The following TSPAN9 variants were observed in gnomAD, a reference collection of about 807,000 sequenced individuals.
TSPAN9 encodes the protein tetraspanin-9.
In TSPAN9, 16 loss-of-function variants were observed where a neutral mutation model predicts 31.0. That is an observed-to-expected ratio of 0.52 (90% CI 0.35 to 0.78). The LOEUF is 0.78. Ranked by LOEUF, TSPAN9 falls within the 30% of genes least tolerant of loss-of-function variation. The pLI, the probability that TSPAN9 is intolerant of heterozygous loss-of-function variation, is 0.01. For missense variants in TSPAN9, 272 were observed against 312.5 expected, an observed-to-expected ratio of 0.87 and a Z score of 0.98; for synonymous variants, 145 against 121.6, an observed-to-expected ratio of 1.19 and a Z score of -1.27.
At chr12:3,112,765 C>T (rs2098319805) in intron 2 of TSPAN9, among the ~76,000 whole-genome samples, 1 of 147,314 alleles carries the variant, frequency 6.8e-6, no homozygotes, top group African/African-American at 2.5e-5. Flanking sequence ...TCACTGCAGC[C>T]TCGACCTCTT....
In TSPAN9 at chr12:3,152,671, C is replaced by T. The variant is rs190637338; in HGVS notation, c.-17-48506C>T. ...CGCGATCTTGGCTCACTGCAACCTCCGCCTCCCAGGTTCAAGCAATTCTCC... is the reference window on the plus strand; with the variant it reads ...CGCGATCTTGGCTCACTGCAACCTCTGCCTCCCAGGTTCAAGCAATTCTCC... On this transcript the variant is annotated intron_variant, in intron 2 of 8. Coordinates refer to ENST00000011898, the MANE Select transcript of TSPAN9 (RefSeq NM_006675.5). 1.7e-3 allele frequency among the ~76,000 whole-genome samples: 262 copies of T among 152,210 alleles called. 2 individuals carry two copies. Among genetic ancestry groups the T allele is most frequent in the African/African-American group, 5.9e-3 (246 of 41,532 alleles).
chr12:3,253,232 C>G (rs1406486372), intron 3 of TSPAN9, among the ~76,000 whole-genome samples: 1 of 152,188 alleles, frequency 6.6e-6, no homozygotes, highest in African/African-American at 2.4e-5. Flanking sequence ...CCTAAGAAAA[C>G]CAAATAAAAA....
chr12:3,138,529 T>C (rs1254841117), intron 2 of TSPAN9, among the ~76,000 whole-genome samples: 1 of 151,736 alleles, frequency 6.6e-6, no homozygotes, highest in Non-Finnish European at 1.5e-5. Flanking sequence ...AGTGGGGTAG[T>C]CATGTGCAGC....
rs1325213401 is a variant in TSPAN9 at position 3,149,402 on chromosome 12, C to CT, written c.-17-51769dup. ...AGATACATGCCTTGCCTTCTTCTCT[C>CT]TTTTTTACCTGAAATTCAGCAGAGT... On this transcript the variant is annotated intron_variant, in intron 2 of 8. Coordinates refer to ENST00000011898, the MANE Select transcript of TSPAN9 (RefSeq NM_006675.5). Among the ~76,000 whole-genome samples, 12 of 152,310 alleles carry CT rather than the reference C, an allele frequency of 7.9e-5. No individual in the cohort carries two copies. The East Asian group carries it at 1.5e-3, about 20-fold the overall frequency.
chr12:3,092,925 G>A (rs1260452190), intron 2 of TSPAN9, among the ~76,000 whole-genome samples: 4 of 152,328 alleles, frequency 2.6e-5, no homozygotes, highest in East Asian at 1.9e-4. Flanking sequence ...CTGCCACCAC[G>A]CCCAGGGCTG....
intron 3 of TSPAN9, among the ~76,000 whole-genome samples, chr12:3,203,435 G>A (rs188023622): frequency 6.6e-6 from 1 of 152,356 alleles, no homozygotes; most frequent in African/African-American, 2.4e-5. Context: ...GAGCGCCATA[G>A]CTATGGGATG....
chr12:3,097,974 G>T (rs2153964117), intron 2 of TSPAN9, among the ~76,000 whole-genome samples: 1 of 152,374 alleles, frequency 6.6e-6, no homozygotes, highest in East Asian at 1.9e-4. Flanking sequence ...GCCGGGGTCT[G>T]TCTTTGCCCC....
intron 2 of TSPAN9, among the ~76,000 whole-genome samples, chr12:3,141,264 G>C (rs1350475134): frequency 2.6e-5 from 4 of 152,086 alleles, no homozygotes; most frequent in Non-Finnish European, 4.4e-5. Context: ...TCCTCCCTCA[G>C]CTTCCCCAAC....
intron 3 of TSPAN9, among the ~76,000 whole-genome samples, chr12:3,214,306 C>T (rs1473701662): frequency 1.3e-5 from 2 of 152,246 alleles, no homozygotes; most frequent in Non-Finnish European, 2.9e-5. Flanking sequence ...TGAGTTTCTT[C>T]TGTCTCATAG....
At chr12:3,149,375 C>T (rs1429219968) in intron 2 of TSPAN9, among the ~76,000 whole-genome samples, 1 of 152,190 alleles carries the variant, frequency 6.6e-6, no homozygotes, top group African/African-American at 2.4e-5. Context: ...TTTTCTGCAG[C>T]CAGATACATG....
intron 2 of TSPAN9, among the ~76,000 whole-genome samples, chr12:3,130,209 C>T (rs1190089882): frequency 3.3e-5 from 5 of 152,254 alleles, no homozygotes; most frequent in Non-Finnish European, 4.4e-5. Context: ...TCAGTGCCAG[C>T]GCACTGGCAG....
intron 3 of TSPAN9, among the ~76,000 whole-genome samples, chr12:3,230,489 T>C (rs572720110): frequency 7.9e-5 from 12 of 152,076 alleles, no homozygotes; most frequent in Non-Finnish European, 1.2e-4. Flanking sequence ...GTGGCGCCCA[T>C]AGGGACTTTT....
intron 2 of TSPAN9, among the ~76,000 whole-genome samples, chr12:3,184,443 GAGAGAA>G (rs967821192): frequency 2.0e-4 from 30 of 151,786 alleles, no homozygotes; most frequent in East Asian, 9.7e-4. Context: ...GAGAAAGAAA[GAGAGAA>G]AGAGAAAGAG....
Position 3,128,661 on chromosome 12 carries a change from A to G in TSPAN9, c.-18+44942A>G, listed in dbSNP as rs149726323. Among the ~76,000 whole-genome samples the G allele has an allele frequency of 3.0e-4, 45 of 152,294 alleles. No individual in the cohort carries two copies. The East Asian group carries it at 7.3e-3, about 25-fold the overall frequency. On this transcript the variant is annotated intron_variant, in intron 2 of 8. Transcript: ENST00000011898. Reference sequence around the variant, plus strand: ...TGAGTCAGGCACCCCTGCACTCTGCACGAGGCTGCCTGGGTAACCACTCTG... The same window carrying G: ...TGAGTCAGGCACCCCTGCACTCTGCGCGAGGCTGCCTGGGTAACCACTCTG...
intron 3 of TSPAN9, among the ~76,000 whole-genome samples, chr12:3,259,996 TGAAA>T (rs1206910735): frequency 1.3e-5 from 2 of 152,144 alleles, no homozygotes; most frequent in Non-Finnish European, 2.9e-5. Context: ...CACTGATGGA[TGAAA>T]GAGTCACTTG....
chr12:3,141,673 C>T (rs1308948268), intron 2 of TSPAN9, among the ~76,000 whole-genome samples: 3 of 152,154 alleles, frequency 2.0e-5, no homozygotes, highest in African/African-American at 7.2e-5. Context: ...ATGGTGGCAC[C>T]CCAGAGGCTG....
chr12:3,239,259 T>G (rs957337494), intron 3 of TSPAN9, among the ~76,000 whole-genome samples: 1 of 151,636 alleles, frequency 6.6e-6, no homozygotes, highest in Non-Finnish European at 1.5e-5. Flanking sequence ...GTTGTCACGT[T>G]CTTGCTGGGA....
chr12:3,222,204 G>A (rs537948027), intron 3 of TSPAN9, among the ~76,000 whole-genome samples: 2 of 152,190 alleles, frequency 1.3e-5, no homozygotes, highest in African/African-American at 2.4e-5. Flanking sequence ...ATGCAGAAGG[G>A]GGGGACGTGG....
intron 2 of TSPAN9, among the ~76,000 whole-genome samples, chr12:3,106,732 C>G (rs1024598752): frequency 5.3e-5 from 8 of 152,084 alleles, no homozygotes; most frequent in African/African-American, 1.7e-4. Context: ...GACGGTGCCA[C>G]TGCACTCCAG....
Sources: gnomAD v4.1 joint callset for allele counts (sites outside exome capture counted in the v4.1 genomes callset) on GRCh38, gnomAD v4.1.1 for gene constraint, MANE v1.5 for transcripts, NCBI Gene and HGNC (gene_info 2026-07-23, HGNC 2026-07-21) for gene names.